LCP2: variants seen among roughly 807,000 people sequenced by gnomAD.
LCP2 encodes 76 kDa tyrosine phosphoprotein.
A neutral mutation model predicts 74.5 loss-of-function variants in LCP2; 29 were observed. The observed-to-expected ratio is 0.39, with a 90% CI of 0.29 to 0.53. LCP2 has a LOEUF of 0.53. Among genes scored for constraint, LCP2 ranks in the 20% least tolerant of loss-of-function variants. The probability of loss-of-function intolerance (pLI) is 0.72; values close to 1 mark genes in which losing one functional copy is unlikely to be tolerated. For missense variants in LCP2, 604 were observed against 634.6 expected, an observed-to-expected ratio of 0.95 and a Z score of 0.52; for synonymous variants, 228 against 229.5, an observed-to-expected ratio of 0.99 and a Z score of 0.06.
In LCP2 at chr5:170,265,486, T is replaced by C. The variant is rs143660495; in HGVS notation, c.772+1322A>G. 2.9e-4 allele frequency among the ~76,000 whole-genome samples: 44 copies of C among 152,318 alleles called. No homozygotes were observed. The East Asian group carries it at 7.7e-3, about 27-fold the overall frequency. On this transcript the variant is annotated intron_variant, in intron 10 of 20. Coordinates refer to ENST00000046794, the MANE Select transcript of LCP2 (RefSeq NM_005565.5). ...AAAGAATATTTTAAAAGAATAACTT[T>C]TGTGTCAGGAGGTGATTGCGAAGGA...
rs1199655194 is a variant in LCP2 at position 170,270,803 on chromosome 5, G to A, written c.439C>T (p.Pro147Ser). Residue 147 changes from proline (P) to serine (S), a missense_variant, in exon 7 of 21, where the codon CCG (proline) becomes TCG (serine). Physicochemically the swap from Pro to Ser is moderately conservative, Grantham distance 74 (BLOSUM62 -1). Coordinates refer to ENST00000046794, the MANE Select transcript of LCP2 (RefSeq NM_005565.5). ...APVEDDADYE[P>S]PPSNDEEALQ... ...GCTTCCTCGTCATTGGAGGGTGGCG[G>A]CTCATAATCCGCGTCATCTTCCACG... 6.2e-7 allele frequency: 1 copy of A among 1,611,342 alleles called. No individual in the cohort carries two copies. The highest frequency in any genetic ancestry group is 8.5e-7 in the Non-Finnish European group (1 of 1,178,712).
chr5:170,270,611 C>A, intron 7 of LCP2, 108 bp downstream of exon 7: 1 of 969,150 alleles, frequency 1.0e-6, no homozygotes, highest in South Asian at 1.8e-5. Flanking sequence ...ATATCGAGAC[C>A]CAGAGCTTTC....
chr5:170,253,517 T>A (rs531415518), intron 17 of LCP2, among the ~76,000 whole-genome samples: 2 of 152,160 alleles, frequency 1.3e-5, no homozygotes, highest in African/African-American at 2.4e-5. Flanking sequence ...ATAAAAAAAT[T>A]CGCAATTGTT....
At chr5:170,280,277 C>A (rs1208091361) in intron 3 of LCP2, among the ~76,000 whole-genome samples, 1 of 152,034 alleles carries the variant, frequency 6.6e-6, no homozygotes, top group East Asian at 1.9e-4. Flanking sequence ...GGGCAGATGC[C>A]TCTCCCCCTG....
At chr5:170,251,771 C>G (rs1419437791) in intron 19 of LCP2, 1 of 395,854 alleles carries the variant, frequency 2.5e-6, no homozygotes, top group Admixed American at 2.8e-5. Flanking sequence ...ACACAGCACC[C>G]CCAGAATAAT....
intron 15 of LCP2, 82 bp downstream of exon 15, chr5:170,258,784 T>A: frequency 1.1e-6 from 1 of 950,130 alleles, no homozygotes; most frequent in South Asian, 1.5e-5. Flanking sequence ...GGGGTTCCTG[T>A]ACTAAACAAT....
intron 3 of LCP2, among the ~76,000 whole-genome samples, chr5:170,278,952 C>T (rs377172551): frequency 2.0e-5 from 3 of 152,234 alleles, no homozygotes; most frequent in East Asian, 1.9e-4. Context: ...GTCTGGTGGA[C>T]GGTGCAACAG....
chr5:170,261,443 TAC>T (rs1342327566), intron 13 of LCP2, among the ~76,000 whole-genome samples: 1 of 133,500 alleles, frequency 7.5e-6, no homozygotes, highest in Non-Finnish European at 1.5e-5. Flanking sequence ...TATGTATATG[TAC>T]ACACACACTA....
chr5:170,276,827 A>G (rs904829248), intron 3 of LCP2, among the ~76,000 whole-genome samples: 1 of 152,008 alleles, frequency 6.6e-6, no homozygotes, highest in Non-Finnish European at 1.5e-5. Context: ...GTCCAATTTC[A>G]TTTTACAGAG....
chr5:170,263,499 G>C (rs559234235), intron 10 of LCP2, among the ~76,000 whole-genome samples: 1 of 152,324 alleles, frequency 6.6e-6, no homozygotes, highest in African/African-American at 2.4e-5. Flanking sequence ...CTTGGGGAGA[G>C]CATTTCAGGA....
At position 170,247,550 on chromosome 5, in the gene LCP2, G is replaced by GAAC. The variant is rs1368591977; in HGVS notation, c.*1144_*1146dup. 4 of 152,362 alleles carry GAAC rather than the reference G, an allele frequency of 2.6e-5. No homozygotes were observed. Among genetic ancestry groups the GAAC allele is most frequent in the African/African-American group, 9.6e-5 (4 of 41,590 alleles). 9.4% of individuals were successfully genotyped at this position (152,362 alleles called of 1,614,324 possible). ...AAGGTCCCAAAGGGAAAAACTTGAAGAACAACTGATTGTCACTATTTGGCT... is the reference window on the plus strand; with the variant it reads ...AAGGTCCCAAAGGGAAAAACTTGAAGAACAACAACTGATTGTCACTATTTGGCT... On this transcript the variant is annotated 3_prime_UTR_variant, in exon 21 of 21. Transcript: ENST00000046794.
In LCP2 at chr5:170,258,181, A is replaced by G; in HGVS notation, c.971-15T>C. On this transcript the variant is annotated splice_polypyrimidine_tract_variant and intron_variant, in intron 15 of 20. Coordinates refer to ENST00000046794, the MANE Select transcript of LCP2 (RefSeq NM_005565.5). The stretch of plus-strand genomic sequence containing the variant: ...TCTCTGATGCACTGTGCAGAAGTAG[A>G]AAACAATGAATGAGATTGGCAGGCC... 1 of 1,613,452 alleles carries G rather than the reference A, an allele frequency of 6.2e-7. No individual in the cohort carries two copies. The highest frequency in any genetic ancestry group is 8.5e-7 in the Non-Finnish European group (1 of 1,179,490).
chr5:170,289,815 G>A (rs1762258608), intron 2 of LCP2, among the ~76,000 whole-genome samples: 1 of 149,160 alleles, frequency 6.7e-6, no homozygotes, highest in Non-Finnish European at 1.5e-5. Flanking sequence ...TCCCACTCAG[G>A]GAGGTACCAA....
chr5:170,293,684 A>G (rs549578829), intron 1 of LCP2, among the ~76,000 whole-genome samples: 5 of 152,234 alleles, frequency 3.3e-5, no homozygotes, highest in Non-Finnish European at 7.3e-5. Flanking sequence ...AGAAGAAAAG[A>G]AATACCATCC....
At chr5:170,288,138 A>C in intron 2 of LCP2, 122 bp from the exon 3 acceptor site, 2 of 989,446 alleles carry the variant, frequency 2.0e-6, no homozygotes, top group Non-Finnish European at 3.1e-6. Flanking sequence ...ACAGAGGAGA[A>C]ACCGCCCTGC....
intron 1 of LCP2, among the ~76,000 whole-genome samples, chr5:170,295,570 C>T (rs1451856512): frequency 6.6e-6 from 1 of 152,328 alleles, no homozygotes; most frequent in Non-Finnish European, 1.5e-5. Flanking sequence ...AGAGCTGAGT[C>T]GAGAGCTGTC....
At chr5:170,274,875 G>A (rs1761978741) in intron 5 of LCP2, among the ~76,000 whole-genome samples, 1 of 151,974 alleles carries the variant, frequency 6.6e-6, no homozygotes, top group Non-Finnish European at 1.5e-5. Flanking sequence ...TACTCGGGAG[G>A]CTGAGGCAGG....
chr5:170,289,686 TTTCTTTCTTTCTTTCC>T (rs1397390360), intron 2 of LCP2, among the ~76,000 whole-genome samples: 1,134 of 96,796 alleles, frequency 0.012, 11 homozygotes, highest in Middle Eastern at 0.054. Context: ...TCTCTCTCTC[TTTCTTTCTTTCTTTCC>T]TTCTTTCTTT....
At chr5:170,261,171 G>A in intron 13 of LCP2, 34 bp from the exon 14 acceptor site, 2 of 1,546,312 alleles carry the variant, frequency 1.3e-6, no homozygotes, top group Non-Finnish European at 1.8e-6. Flanking sequence ...AAAGAACTGA[G>A]CATGAAGAGT....
Sources: gnomAD v4.1 joint callset for allele counts (sites outside exome capture counted in the v4.1 genomes callset) on GRCh38, gnomAD v4.1.1 for gene constraint, MANE v1.5 for transcripts, NCBI Gene and HGNC (gene_info 2026-07-23, HGNC 2026-07-21) for gene names.